Variants in HMGN5 observed in about 807,000 individuals in gnomAD.
HMGN5 encodes the protein high mobility group nucleosome binding domain 5, also known as high mobility group nucleosome-binding domain-containing protein 5.
A neutral mutation model predicts 9.5 loss-of-function variants in HMGN5; 4 were observed. That is an observed-to-expected ratio of 0.42 (90% CI 0.21 to 0.96). The LOEUF (loss-of-function observed/expected upper bound fraction) is 0.96, where lower values mean the gene tolerates loss of function less well. Among genes scored for constraint, HMGN5 ranks in the 40% least tolerant of loss-of-function variants. The pLI, the probability that HMGN5 is intolerant of heterozygous loss-of-function variation, is 0.30. For missense variants in HMGN5, 192 were observed against 187.5 expected (o/e 1.02, Z -0.14); for synonymous variants, 55 against 57.1 (o/e 0.96, Z 0.16).
rs771323568 is a variant in HMGN5 at position 81,132,044 on chromosome X, A to C, written c.-123-10372T>G. Among the ~76,000 whole-genome samples, 11 of 111,536 alleles carry C rather than the reference A, an allele frequency of 9.9e-5. No homozygotes were observed. In the East Asian group the frequency reaches 3.1e-3, roughly 31 times the overall value. On this transcript the variant is annotated intron_variant, in intron 1 of 6. Coordinates refer to ENST00000358130, the MANE Select transcript of HMGN5 (RefSeq NM_030763.3). ...CAGGATGCAAAATCAATGTGCAAAA[A>C]TCGCTAGCATTATTATACACCAACA...
chrX:81,133,758 T>A (rs187822757), intron 1 of HMGN5, among the ~76,000 whole-genome samples: 122 of 110,677 alleles, frequency 1.1e-3, no homozygotes, highest in Non-Finnish European at 1.8e-3. Context: ...AACTAATGGG[T>A]ACTAGGCTTA....
intron 1 of HMGN5, among the ~76,000 whole-genome samples, chrX:81,182,805 T>C (rs187127627): frequency 4.5e-5 from 5 of 112,272 alleles, no homozygotes; most frequent in African/African-American, 1.6e-4. Context: ...ATATGACAAA[T>C]TGGTATCAAG....
intron 1 of HMGN5, among the ~76,000 whole-genome samples, chrX:81,150,334 C>T (rs977525582): frequency 2.7e-5 from 3 of 111,326 alleles, no homozygotes; most frequent in Admixed American, 9.5e-5. Flanking sequence ...GAGGCCGAGG[C>T]GGGTGGATCA....
chrX:81,153,882 G>A (rs1399842196), intron 1 of HMGN5, among the ~76,000 whole-genome samples: 4 of 105,056 alleles, frequency 3.8e-5, no homozygotes, highest in East Asian at 6.1e-4. Flanking sequence ...CAATTGAAGA[G>A]GATACCAAAA....
chrX:81,120,982 A>G (rs2075266742), intron 2 of HMGN5, among the ~76,000 whole-genome samples: 1 of 110,738 alleles, frequency 9.0e-6, no homozygotes, highest in African/African-American at 3.3e-5. Flanking sequence ...TCTCTAGGAC[A>G]GTTTGAAGTC....
chrX:81,145,030 C>A (rs2075339724), intron 1 of HMGN5, among the ~76,000 whole-genome samples: 1 of 111,765 alleles, frequency 8.9e-6, no homozygotes, highest in African/African-American at 3.3e-5. Flanking sequence ...TTGATTGGTG[C>A]ACCTGAAAGT....
chrX:81,175,497 T>G (rs981787729), intron 1 of HMGN5, among the ~76,000 whole-genome samples: 2 of 111,932 alleles, frequency 1.8e-5, no homozygotes, highest in Admixed American at 9.5e-5. Flanking sequence ...ACAATCATGT[T>G]TTATTTTAAT....
intron 1 of HMGN5, among the ~76,000 whole-genome samples, chrX:81,162,022 CTTTG>C (rs1009751693): frequency 7.2e-5 from 8 of 111,256 alleles, no homozygotes; most frequent in African/African-American, 2.6e-4. Context: ...GGTTGGGACT[CTTTG>C]TTAAAGCCTC....
At chrX:81,172,742 T>A (rs1292259597) in intron 1 of HMGN5, among the ~76,000 whole-genome samples, 3 of 110,812 alleles carry the variant, frequency 2.7e-5, no homozygotes, top group African/African-American at 3.3e-5. Flanking sequence ...GATAAAAAAA[T>A]TTTAAATGAC....
At chrX:81,140,452 C>T (rs1225957320) in intron 1 of HMGN5, among the ~76,000 whole-genome samples, 2 of 105,621 alleles carry the variant, frequency 1.9e-5, no homozygotes, top group African/African-American at 3.5e-5. Flanking sequence ...CCCAGCTACT[C>T]GGGAGGCTGA....
At chrX:81,176,520 G>A (rs1452405559) in intron 1 of HMGN5, among the ~76,000 whole-genome samples, 1 of 110,570 alleles carries the variant, frequency 9.0e-6, no homozygotes, top group Non-Finnish European at 1.9e-5. Flanking sequence ...CCCATTGCAA[G>A]GAAGCTAAAA....
intron 5 of HMGN5, among the ~76,000 whole-genome samples, chrX:81,116,806 G>A (rs952348492): frequency 2.7e-5 from 3 of 111,848 alleles, no homozygotes; most frequent in Non-Finnish European, 5.6e-5. Flanking sequence ...CAACAATTTA[G>A]ATATATTTTT....
chrX:81,135,377 C>T (rs2075308450), intron 1 of HMGN5, among the ~76,000 whole-genome samples: 1 of 111,379 alleles, frequency 9.0e-6, no homozygotes. Flanking sequence ...CTTACATGCA[C>T]ATAAAAACTT....
chrX:81,173,831 A>T (rs767819032), intron 1 of HMGN5, among the ~76,000 whole-genome samples: 7 of 111,496 alleles, frequency 6.3e-5, no homozygotes, highest in Non-Finnish European at 1.1e-4. Flanking sequence ...AATGAATGTA[A>T]CCTTTTCAAG....
At chrX:81,164,927 TTG>T (rs1197878342) in intron 1 of HMGN5, among the ~76,000 whole-genome samples, 1 of 111,306 alleles carries the variant, frequency 9.0e-6, no homozygotes, top group East Asian at 2.8e-4. Flanking sequence ...TCTGAGATTT[TTG>T]TCAGTTTTTT....
rs748181120 is a variant in HMGN5, at chrX:81,145,629, A to G, written c.-123-23957T>C. On this transcript the variant is annotated intron_variant, in intron 1 of 6. Coordinates refer to ENST00000358130, the MANE Select transcript of HMGN5 (RefSeq NM_030763.3). ...AATAACCAGCTAGCATCATAATGAC[A>G]GGATCAAATTGACACATAACAATAT... Among the ~76,000 whole-genome samples the G allele has an allele frequency of 1.1e-3, 127 of 111,994 alleles. 1 individual carries two copies. The highest frequency in any genetic ancestry group is 3.4e-3 in the African/African-American group (105 of 30,816).
chrX:81,147,399 G>A (rs1192964450), intron 1 of HMGN5, among the ~76,000 whole-genome samples: 5 of 111,415 alleles, frequency 4.5e-5, no homozygotes, highest in Non-Finnish European at 3.8e-5. Flanking sequence ...CAAAAACCAC[G>A]TGATTATTTA....
intron 1 of HMGN5, among the ~76,000 whole-genome samples, chrX:81,151,236 T>C (rs1174822480): frequency 8.9e-6 from 1 of 111,798 alleles, no homozygotes; most frequent in East Asian, 2.8e-4. Flanking sequence ...TTTCTCAGGT[T>C]TGTCAAAGAT....
chrX:81,179,773 G>A (rs1569351042), intron 1 of HMGN5, among the ~76,000 whole-genome samples: 1 of 111,521 alleles, frequency 9.0e-6, no homozygotes, highest in Non-Finnish European at 1.9e-5. Flanking sequence ...GAAAAAAGCT[G>A]GAGGCATCAT....
Sources: allele counts gnomAD v4.1 joint callset (sites outside exome capture counted in the v4.1 genomes callset), GRCh38; gene constraint gnomAD v4.1.1; transcripts MANE v1.5; gene names NCBI Gene and HGNC (gene_info 2026-07-23, HGNC 2026-07-21).